The following CCBE1 variants were observed in gnomAD, a reference collection of about 807,000 sequenced individuals.
CCBE1 encodes the protein collagen and calcium-binding EGF domain-containing protein 1.
CCBE1 carries 37 observed loss-of-function variants against 50.0 expected under a neutral mutation model. That is an observed-to-expected ratio of 0.74 (90% CI 0.57 to 0.97). The LOEUF (loss-of-function observed/expected upper bound fraction) is 0.97, where lower values mean the gene tolerates loss of function less well. CCBE1 is among the 50% of genes least tolerant of loss of function. The probability of loss-of-function intolerance (pLI) is 0.00; values close to 1 mark genes in which losing one functional copy is unlikely to be tolerated. For missense variants in CCBE1, 538 were observed against 523.8 expected (o/e 1.03, Z -0.26); for synonymous variants, 234 against 203.7 (o/e 1.15, Z -1.27).
At chr18:59,530,929 G>T (rs902134502) in intron 2 of CCBE1, among the ~76,000 whole-genome samples, 2 of 151,076 alleles carry the variant, frequency 1.3e-5, no homozygotes, top group Non-Finnish European at 2.9e-5. Context: ...TATTTATGAT[G>T]TTTTTTCAAA....
intron 2 of CCBE1, among the ~76,000 whole-genome samples, chr18:59,678,714 A>T (rs2054543740): frequency 6.6e-6 from 1 of 152,026 alleles, no homozygotes; most frequent in Non-Finnish European, 1.5e-5. Context: ...TGAACTTTTA[A>T]TAGAGACGGG....
intron 2 of CCBE1, among the ~76,000 whole-genome samples, chr18:59,632,806 A>G (rs1224517382): frequency 2.6e-5 from 4 of 151,676 alleles, no homozygotes; most frequent in African/African-American, 9.7e-5. Context: ...ACGGGGTTTC[A>G]CCATGTTGGC....
At chr18:59,451,407 T>C (rs1230233568) in intron 6 of CCBE1, among the ~76,000 whole-genome samples, 4 of 127,156 alleles carry the variant, frequency 3.1e-5, no homozygotes, top group Non-Finnish European at 6.3e-5. Context: ...AATCCGATAG[T>C]CCCTGCTGCC....
chr18:59,477,917 C>T (rs1235121834), intron 3 of CCBE1, among the ~76,000 whole-genome samples: 1 of 152,126 alleles, frequency 6.6e-6, no homozygotes, highest in Non-Finnish European at 1.5e-5. Context: ...TTGGCTAGGC[C>T]AAAGTGTCCA....
intron 6 of CCBE1, among the ~76,000 whole-genome samples, chr18:59,453,468 T>C (rs2143668381): frequency 6.6e-6 from 1 of 152,346 alleles, no homozygotes; most frequent in Admixed American, 6.5e-5. Flanking sequence ...GGGTTAAATC[T>C]ATGTTTTATT....
chr18:59,572,844 A>T (rs1037965056), intron 2 of CCBE1, among the ~76,000 whole-genome samples: 3 of 152,136 alleles, frequency 2.0e-5, no homozygotes, highest in African/African-American at 7.2e-5. Context: ...TGCCCCTAAG[A>T]TGGTTTTAGT....
intron 2 of CCBE1, among the ~76,000 whole-genome samples, chr18:59,614,292 G>T (rs1169859733): frequency 6.6e-6 from 1 of 152,136 alleles, no homozygotes; most frequent in African/African-American, 2.4e-5. Flanking sequence ...GAGCCATCGT[G>T]CCTGGTTCTC....
intron 2 of CCBE1, among the ~76,000 whole-genome samples, chr18:59,600,724 T>C (rs2053417098): frequency 6.6e-6 from 1 of 152,154 alleles, no homozygotes; most frequent in Non-Finnish European, 1.5e-5. Flanking sequence ...TCCTGCCCAC[T>C]GGGGCTGGTT....
At chr18:59,468,721 T>C (rs1911874541) in intron 4 of CCBE1, among the ~76,000 whole-genome samples, 1 of 152,210 alleles carries the variant, frequency 6.6e-6, no homozygotes, top group East Asian at 1.9e-4. Flanking sequence ...CAGTTCATCC[T>C]CCAGTTGATT....
intron 2 of CCBE1, among the ~76,000 whole-genome samples, chr18:59,696,014 G>C (rs570383264): frequency 3.3e-5 from 5 of 152,246 alleles, no homozygotes; most frequent in African/African-American, 1.2e-4. Context: ...TATAACTACC[G>C]ATTCCCTAGC....
At chr18:59,449,125 T>C (rs1910814240) in intron 6 of CCBE1, among the ~76,000 whole-genome samples, 1 of 152,198 alleles carries the variant, frequency 6.6e-6, no homozygotes, top group African/African-American at 2.4e-5. Context: ...CTCTTGGGCC[T>C]TGGAATAAGG....
chr18:59,469,540 A>G lies in CCBE1; in HGVS notation c.333T>C (p.Cys111=). The G allele has an allele frequency of 1.2e-6, 2 of 1,614,212 alleles. No homozygotes were observed. ...CATATCGGTATCCCGGATAACAAGT[A>G]CACAGCACTCGGCCAAAGTTGTCCG... The part of the protein sequence containing the change: ...QCTDNFGRVL[C]TCYPGYRYDR... Residue 111 remains cysteine, a synonymous_variant, in exon 4 of 11, where the codon TGT becomes TGC. Transcript: ENST00000439986.
chr18:59,469,391 A>T, intron 4 of CCBE1, 82 bp downstream of exon 4: 1 of 1,570,852 alleles, frequency 6.4e-7, no homozygotes, highest in Non-Finnish European at 8.8e-7. Flanking sequence ...CAAGTATGAG[A>T]ACTGAAGGGT....
intron 2 of CCBE1, among the ~76,000 whole-genome samples, chr18:59,542,309 A>C (rs1915502503): frequency 1.5e-5 from 1 of 68,028 alleles, no homozygotes; most frequent in African/African-American, 6.6e-5. Flanking sequence ...AGGGGTATCC[A>C]GACAGTATGA....
intron 3 of CCBE1, 43 bp downstream of exon 3, chr18:59,480,143 A>G: frequency 7.7e-6 from 9 of 1,172,506 alleles, no homozygotes; most frequent in South Asian, 1.2e-5. Context: ...TTGAATGATT[A>G]GTTGTGAATA....
chr18:59,648,419 T>C (rs1233448956), intron 2 of CCBE1, among the ~76,000 whole-genome samples: 1 of 152,158 alleles, frequency 6.6e-6, no homozygotes, highest in Admixed American at 6.5e-5. Context: ...AACACAGGTA[T>C]CAGCAGCCAG....
chr18:59,507,983 C>T (rs922536542), intron 2 of CCBE1, among the ~76,000 whole-genome samples: 19 of 151,740 alleles, frequency 1.3e-4, no homozygotes, highest in Non-Finnish European at 1.9e-4. Context: ...CTTCGCCTCC[C>T]GGGTTCAAGT....
intron 2 of CCBE1, among the ~76,000 whole-genome samples, chr18:59,516,822 A>G (rs1409701794): frequency 6.6e-6 from 1 of 152,218 alleles, no homozygotes; most frequent in Non-Finnish European, 1.5e-5. Context: ...CACACAGGTG[A>G]GTGTCTGCAA....
At chr18:59,501,263 G>T (rs1297285591) in intron 2 of CCBE1, among the ~76,000 whole-genome samples, 2 of 152,182 alleles carry the variant, frequency 1.3e-5, no homozygotes, top group Admixed American at 1.3e-4. Flanking sequence ...TCCTGGGGCT[G>T]CTTCGTCCTC....
Sources: gnomAD v4.1 joint callset for allele counts (sites outside exome capture counted in the v4.1 genomes callset) on GRCh38, gnomAD v4.1.1 for gene constraint, MANE v1.5 for transcripts, NCBI Gene and HGNC (gene_info 2026-07-23, HGNC 2026-07-21) for gene names.